HHAT: variants seen among roughly 807,000 people sequenced by gnomAD.
The protein encoded by HHAT is hedgehog acyltransferase.
Under a neutral mutation model 70.8 loss-of-function variants are expected in HHAT, and 47 were observed. That is an observed-to-expected ratio of 0.66 (90% CI 0.53 to 0.85). The LOEUF is 0.85. Among genes scored for constraint, HHAT ranks in the 40% least tolerant of loss-of-function variants. HHAT has a pLI of 0.00. For synonymous variants in HHAT, 228 were observed against 247.6 expected, an observed-to-expected ratio of 0.92 and a Z score of 0.74; for missense variants, 609 against 604.8, an observed-to-expected ratio of 1.01 and a Z score of -0.07.
At chr1:210,540,470 C>CAT (rs2095417418) in intron 9 of HHAT, among the ~76,000 whole-genome samples, 2 of 93,904 alleles carry the variant, frequency 2.1e-5, no homozygotes, top group Non-Finnish European at 3.1e-5. Flanking sequence ...CACACACACA[C>CAT]GCACACACAT....
intron 7 of HHAT, among the ~76,000 whole-genome samples, chr1:210,425,198 G>T (rs2148300270): frequency 6.6e-6 from 1 of 152,178 alleles, no homozygotes; most frequent in Admixed American, 6.5e-5. Flanking sequence ...TAATGAGATT[G>T]TTTATTTTTT....
chr1:210,638,600 G>C (rs1248592648), intron 11 of HHAT, among the ~76,000 whole-genome samples: 1 of 151,810 alleles, frequency 6.6e-6, no homozygotes, highest in Non-Finnish European at 1.5e-5. Flanking sequence ...TGAATATGGG[G>C]CTTGGTATGG....
In HHAT at chr1:210,334,178, A is replaced by ATTTTTTTTTTTTTTTTTTTTTTT. The variant is rs3033354; in HGVS notation, c.-44+5094_-44+5095insTTTTTTTTTTTTTTTTTTTTTTT. 4.9e-3 allele frequency among the ~76,000 whole-genome samples: 491 copies of ATTTTTTTTTTTTTTTTTTTTTTT among 99,932 alleles called. 123 individuals carry two copies. The highest frequency in any genetic ancestry group is 7.6e-3 in the African/African-American group (209 of 27,346). 65.6% of individuals were successfully genotyped at this position (99,932 alleles called of 152,430 possible). On this transcript the variant is annotated intron_variant, in intron 1 of 11. Transcript: ENST00000261458. ...TACTTGCTGGCCACTTTAGCGTGTC[A>ATTTTTTTTTTTTTTTTTTTTTTT]TTTTTTTTTTTTTTTTTTTTGAGAA...
chr1:210,486,659 C>G (rs538040092), intron 8 of HHAT, among the ~76,000 whole-genome samples: 16 of 152,162 alleles, frequency 1.1e-4, no homozygotes, highest in Non-Finnish European at 2.1e-4. Context: ...TAATAAGGGA[C>G]TTGCCCCCAG....
chr1:210,527,578 G>C (rs2095266103), intron 9 of HHAT, among the ~76,000 whole-genome samples: 1 of 152,158 alleles, frequency 6.6e-6, no homozygotes, highest in Admixed American at 6.5e-5. Flanking sequence ...AGCAGACTGA[G>C]TGGCAACACC....
intron 8 of HHAT, 48 bp from the exon 9 acceptor site, chr1:210,513,105 C>CT: frequency 9.0e-7 from 1 of 1,115,356 alleles, no homozygotes; most frequent in South Asian, 1.3e-5. Flanking sequence ...TCTACCATTA[C>CT]TATAAATATC....
intron 10 of HHAT, among the ~76,000 whole-genome samples, chr1:210,605,360 T>C (rs1223774058): frequency 6.6e-6 from 1 of 152,204 alleles, no homozygotes; most frequent in Non-Finnish European, 1.5e-5. Context: ...GAATCTTCTT[T>C]TTGATAAACC....
intron 8 of HHAT, among the ~76,000 whole-genome samples, chr1:210,510,352 A>G (rs1216790192): frequency 6.6e-6 from 1 of 152,170 alleles, no homozygotes; most frequent in African/African-American, 2.4e-5. Flanking sequence ...CATGAGTTGG[A>G]TGAACCTTAT....
chr1:210,587,350 A>G (rs1399415425), intron 9 of HHAT, among the ~76,000 whole-genome samples: 2 of 152,192 alleles, frequency 1.3e-5, no homozygotes, highest in Non-Finnish European at 1.5e-5. Context: ...TGCCCTTTAT[A>G]CAACCATCAG....
At chr1:210,367,117 G>A (rs2089071383) in intron 3 of HHAT, among the ~76,000 whole-genome samples, 1 of 152,204 alleles carries the variant, frequency 6.6e-6, no homozygotes. Context: ...TGAGCTAAAT[G>A]ACATGAAGGC....
intron 9 of HHAT, among the ~76,000 whole-genome samples, chr1:210,532,117 T>C (rs973820217): frequency 6.6e-6 from 1 of 152,216 alleles, no homozygotes; most frequent in African/African-American, 2.4e-5. Context: ...TTGCAGACAA[T>C]GTGTTTTTCA....
At position 210,359,179 on chromosome 1, in the gene HHAT, C is replaced by T. The variant is rs553679877; in HGVS notation, c.92-3673C>T. On this transcript the variant is annotated intron_variant, in intron 2 of 11. Transcript: ENST00000261458. ...CAGAAGGCTTCTTTTCTGTTTGTAG[C>T]AGCCTCTTGCTTGACTGTATTTGAC... 1.6e-4 allele frequency among the ~76,000 whole-genome samples: 24 copies of T among 152,298 alleles called. No individual in the cohort carries two copies. In the South Asian group the frequency reaches 5.0e-3, roughly 32 times the overall value.
intron 9 of HHAT, among the ~76,000 whole-genome samples, chr1:210,515,786 A>G (rs1280784984): frequency 7.3e-6 from 1 of 136,544 alleles, no homozygotes; most frequent in African/African-American, 2.7e-5. Flanking sequence ...AAGTATTTTC[A>G]GCCAGGTGCA....
intron 7 of HHAT, among the ~76,000 whole-genome samples, chr1:210,424,800 GC>G (rs2093013242): frequency 6.6e-6 from 1 of 152,104 alleles, no homozygotes; most frequent in Non-Finnish European, 1.5e-5. Flanking sequence ...GAATAGTGTT[GC>G]AATGAACATA....
intron 2 of HHAT, among the ~76,000 whole-genome samples, chr1:210,351,251 T>C (rs1443392760): frequency 6.6e-6 from 1 of 152,196 alleles, no homozygotes; most frequent in African/African-American, 2.4e-5. Context: ...GAATTCTTCC[T>C]TCCTCCTCCT....
At chr1:210,571,793 C>G (rs749445805) in intron 9 of HHAT, among the ~76,000 whole-genome samples, 6 of 152,206 alleles carry the variant, frequency 3.9e-5, no homozygotes, top group South Asian at 2.1e-4. Context: ...CTTTGGATTT[C>G]TTATGACTTT....
chr1:210,547,721 A>T (rs191243819), intron 9 of HHAT, among the ~76,000 whole-genome samples: 1 of 152,300 alleles, frequency 6.6e-6, no homozygotes. Flanking sequence ...AGGCTCTGGG[A>T]ATTCAGACTT....
chr1:210,513,781 C>T (rs892197951), intron 9 of HHAT, among the ~76,000 whole-genome samples: 6 of 152,244 alleles, frequency 3.9e-5, no homozygotes, highest in African/African-American at 1.4e-4. Context: ...ATCAACTTTG[C>T]TGTGTTTTCT....
intron 3 of HHAT, among the ~76,000 whole-genome samples, chr1:210,366,323 C>A (rs1306185346): frequency 6.6e-6 from 1 of 152,068 alleles, no homozygotes; most frequent in African/African-American, 2.4e-5. Context: ...CATTTCCTGC[C>A]CTAAGCCTTA....
Sources: gnomAD v4.1 joint callset for allele counts (sites outside exome capture counted in the v4.1 genomes callset) on GRCh38, gnomAD v4.1.1 for gene constraint, MANE v1.5 for transcripts, NCBI Gene and HGNC (gene_info 2026-07-23, HGNC 2026-07-21) for gene names.